The following NELL1 variants were observed in gnomAD, a reference collection of about 807,000 sequenced individuals.
The protein encoded by NELL1 is protein kinase C-binding protein NELL1.
In NELL1, 76 loss-of-function variants were observed where a neutral mutation model predicts 107.4. That is an observed-to-expected ratio of 0.71 (90% CI 0.59 to 0.86). The LOEUF is 0.86. NELL1 is among the 40% of genes least tolerant of loss of function. NELL1 has a pLI of 0.00. For synonymous variants in NELL1, 353 were observed against 341.2 expected (o/e 1.03, Z -0.38); for missense variants, 1,024 against 1,005.5 (o/e 1.02, Z -0.25).
chr11:20,726,996 T>C (rs1855522847), intron 2 of NELL1, among the ~76,000 whole-genome samples: 1 of 152,216 alleles, frequency 6.6e-6, no homozygotes, highest in African/African-American at 2.4e-5. Context: ...CAGTCTATCA[T>C]TGATGGACAT....
At chr11:20,747,688 G>A (rs187524544) in intron 2 of NELL1, among the ~76,000 whole-genome samples, 2 of 152,164 alleles carry the variant, frequency 1.3e-5, no homozygotes, top group African/African-American at 4.8e-5. Context: ...CGTTTTGGAG[G>A]TGACAAATGT....
At chr11:21,551,926 G>T (rs866445388) in intron 16 of NELL1, among the ~76,000 whole-genome samples, 36 of 146,288 alleles carry the variant, frequency 2.5e-4, no homozygotes, top group African/African-American at 8.3e-4. Context: ...AGAAAATGTG[G>T]CACATATACA....
chr11:21,067,055 G>A (rs1853892852), intron 12 of NELL1, among the ~76,000 whole-genome samples: 1 of 152,108 alleles, frequency 6.6e-6, no homozygotes, highest in Non-Finnish European at 1.5e-5. Flanking sequence ...GACAGCAAGT[G>A]AGACCATCTG....
Position 21,040,458 on chromosome 11 carries a change from T to A in NELL1, c.1301-73131T>A, listed in dbSNP as rs541845125. 7.9e-5 allele frequency among the ~76,000 whole-genome samples: 12 copies of A among 152,298 alleles called. No individual in the cohort carries two copies. In the South Asian group the frequency reaches 2.3e-3, roughly 29 times the overall value. ...ATCGTGCATCAAAGCCTTGTATCTC[T>A]CTAATATTTATACCTGTGCCTATAT... On this transcript the variant is annotated intron_variant, in intron 12 of 19. Transcript: ENST00000357134.
intron 4 of NELL1, 105 bp downstream of exon 4, chr11:20,847,858 C>T: frequency 1.7e-6 from 2 of 1,206,042 alleles, no homozygotes; most frequent in East Asian, 5.2e-5. Flanking sequence ...AAACAAACAC[C>T]AAGGGACCCT....
At chr11:21,282,346 A>AT (rs910764133) in intron 14 of NELL1, among the ~76,000 whole-genome samples, 3 of 152,026 alleles carry the variant, frequency 2.0e-5, no homozygotes, top group Non-Finnish European at 4.4e-5. Context: ...CACCTGGCTA[A>AT]TTTTTGTGGT....
intron 4 of NELL1, among the ~76,000 whole-genome samples, chr11:20,884,380 G>A (rs1849466133): frequency 1.3e-5 from 2 of 152,182 alleles, no homozygotes; most frequent in Non-Finnish European, 1.5e-5. Flanking sequence ...ACACACCTAG[G>A]AATGATTCCG....
intron 1 of NELL1, among the ~76,000 whole-genome samples, chr11:20,676,169 A>C (rs1201074874): frequency 6.6e-6 from 1 of 151,988 alleles, no homozygotes; most frequent in Non-Finnish European, 1.5e-5. Context: ...CTGCATGTGG[A>C]AAGCTTCCTC....
At chr11:20,853,657 T>C (rs1005820317) in intron 4 of NELL1, among the ~76,000 whole-genome samples, 4 of 152,114 alleles carry the variant, frequency 2.6e-5, no homozygotes, top group Admixed American at 2.6e-4. Context: ...GTACTGAAAA[T>C]GGGTAACATT....
At chr11:20,904,992 C>T (rs2134137777) in intron 5 of NELL1, among the ~76,000 whole-genome samples, 1 of 150,184 alleles carries the variant, frequency 6.7e-6, no homozygotes, top group Admixed American at 6.7e-5. Context: ...CCATGCCTGG[C>T]TAATTTTTAA....
intron 13 of NELL1, among the ~76,000 whole-genome samples, chr11:21,187,057 A>T (rs1357473521): frequency 1.3e-5 from 2 of 151,912 alleles, no homozygotes; most frequent in Non-Finnish European, 2.9e-5. Context: ...ACGTGATTTC[A>T]CTTATTAAGG....
At chr11:21,010,406 A>C (rs1218695154) in intron 12 of NELL1, among the ~76,000 whole-genome samples, 3 of 152,014 alleles carry the variant, frequency 2.0e-5, no homozygotes, top group African/African-American at 7.2e-5. Context: ...CCAAGTTCTA[A>C]TACAATAGAG....
At chr11:21,412,655 A>G (rs543236625) in intron 15 of NELL1, among the ~76,000 whole-genome samples, 3 of 152,228 alleles carry the variant, frequency 2.0e-5, no homozygotes, top group African/African-American at 7.2e-5. Context: ...CAGGAAGAAA[A>G]TTTACATCAG....
chr11:21,387,849 A>G (rs1590890480), intron 15 of NELL1, among the ~76,000 whole-genome samples: 1 of 151,960 alleles, frequency 6.6e-6, no homozygotes, highest in South Asian at 2.1e-4. Context: ...TAATAGTAAT[A>G]TTTTATATTA....
intron 13 of NELL1, among the ~76,000 whole-genome samples, chr11:21,114,739 A>G (rs772049152): frequency 6.6e-6 from 1 of 152,016 alleles, no homozygotes; most frequent in Non-Finnish European, 1.5e-5. Flanking sequence ...CATCTCACTT[A>G]TCTGTCTTTT....
At chr11:21,401,813 C>T (rs1005012241) in intron 15 of NELL1, among the ~76,000 whole-genome samples, 3 of 151,748 alleles carry the variant, frequency 2.0e-5, no homozygotes, top group African/African-American at 7.3e-5. Context: ...CTGCCAATGA[C>T]TGTGATGTTT....
intron 14 of NELL1, chr11:21,283,987 T>C (rs1208535073): frequency 4.0e-5 from 14 of 351,078 alleles, no homozygotes; most frequent in Middle Eastern, 1.0e-3. Context: ...GGACTGAACT[T>C]ATGCTGCCTG....
Position 21,383,351 on chromosome 11 carries a change from C to T in NELL1, c.1645+12403C>T, listed in dbSNP as rs75101318. Among the ~76,000 whole-genome samples the T allele has an allele frequency of 8.0e-3, 1,222 of 151,924 alleles. 18 individuals are homozygous for T. The highest frequency in any genetic ancestry group is 0.028 in the African/African-American group (1,153 of 41,496). On this transcript the variant is annotated intron_variant, in intron 15 of 19. Transcript: ENST00000357134. ...AGTTATCTATGGGTGGCAGCAATTTCAGCTAAATAGGTTGAGTCCATGAGG... is the reference window on the plus strand; with the variant it reads ...AGTTATCTATGGGTGGCAGCAATTTTAGCTAAATAGGTTGAGTCCATGAGG...
chr11:20,814,148 G>GCAA (rs746618600), intron 3 of NELL1, among the ~76,000 whole-genome samples: 409 of 6,040 alleles, frequency 0.068, no homozygotes, highest in Non-Finnish European at 0.15. Flanking sequence ...GGCGCACACC[G>GCAA]CCACGCCCGG....
Sources: gnomAD v4.1 joint callset for allele counts (sites outside exome capture counted in the v4.1 genomes callset) on GRCh38, gnomAD v4.1.1 for gene constraint, MANE v1.5 for transcripts, NCBI Gene and HGNC (gene_info 2026-07-23, HGNC 2026-07-21) for gene names.